The following MCTP2 variants were observed in gnomAD, a reference collection of about 807,000 sequenced individuals.
MCTP2 encodes multiple C2 and transmembrane domain containing 2.
In MCTP2, 132 loss-of-function variants were observed where a neutral mutation model predicts 111.6. The observed-to-expected ratio is 1.18, with a 90% CI of 1.03 to 1.37. The LOEUF (loss-of-function observed/expected upper bound fraction) is 1.37. MCTP2 is among the 40% of genes most tolerant of loss of function. MCTP2 has a pLI of 0.00. For synonymous variants in MCTP2, 395 were observed against 387.7 expected, an observed-to-expected ratio of 1.02 and a Z score of -0.22; for missense variants, 1,183 against 1,067.9, an observed-to-expected ratio of 1.11 and a Z score of -1.50.
At chr15:94,244,646 A>G (rs1181122412) in intron 1 of MCTP2, among the ~76,000 whole-genome samples, 1 of 146,126 alleles carries the variant, frequency 6.8e-6, no homozygotes, top group African/African-American at 2.6e-5. Flanking sequence ...ATGTTTATAA[A>G]CGTATATGTA....
rs1238505832 is a variant in MCTP2, at chr15:94,339,353, T to C, written c.701T>C (p.Ile234Thr). 2 of 1,612,156 alleles carry C rather than the reference T, an allele frequency of 1.2e-6. No individual in the cohort carries two copies. Among genetic ancestry groups the C allele is most frequent in the Admixed American group, 1.7e-5 (1 of 59,914 alleles). ...NGKTLYKSKV[I>T]YKNLNPVWDE... ...AAGACGCTGTACAAAAGTAAAGTCA[T>C]ATATAAGAACTTGAACCCAGTATGG... Residue 234 changes from isoleucine to threonine, a missense_variant, in exon 5 of 23, where the codon ATA (isoleucine) becomes ACA (threonine). Coordinates refer to ENST00000357742, the MANE Select transcript of MCTP2 (RefSeq NM_001385001.1).
At chr15:94,435,205 T>C (rs1263168949) in intron 17 of MCTP2, among the ~76,000 whole-genome samples, 1 of 152,184 alleles carries the variant, frequency 6.6e-6, no homozygotes, top group African/African-American at 2.4e-5. Flanking sequence ...TACCCATTTC[T>C]ATAAAATAAA....
intron 12 of MCTP2, among the ~76,000 whole-genome samples, chr15:94,382,722 C>A (rs1338776124): frequency 5.9e-5 from 9 of 152,266 alleles, no homozygotes; most frequent in African/African-American, 2.2e-4. Context: ...CTGGCTTAGG[C>A]CCTGGCCTGG....
At chr15:94,399,226 A>G (rs750475011) in intron 15 of MCTP2, among the ~76,000 whole-genome samples, 164 bp downstream of exon 15, 4 of 152,210 alleles carry the variant, frequency 2.6e-5, no homozygotes, top group Non-Finnish European at 5.9e-5. Context: ...GGTTACCCTC[A>G]TCTCCTGCTT....
chr15:94,379,831 CAT>C (rs560219828), intron 12 of MCTP2, among the ~76,000 whole-genome samples: 1,529 of 139,952 alleles, frequency 0.011, 25 homozygotes, highest in African/African-American at 0.039. Flanking sequence ...TTATATATGA[CAT>C]ATAATTATAT....
Position 94,303,834 on chromosome 15 carries a change from A to G in MCTP2, c.465+5104A>G, listed in dbSNP as rs563525669. Among the ~76,000 whole-genome samples, 4 of 152,294 alleles carry G rather than the reference A, an allele frequency of 2.6e-5. No homozygotes were observed. In the South Asian group the frequency reaches 8.3e-4, roughly 32 times the overall value. ...TGCTTTTTCCAACTCTGTGGTGAGT[A>G]TAATCAGCCTGCCTTCATTTTCATA... On this transcript the variant is annotated intron_variant, in intron 2 of 22. Coordinates refer to ENST00000357742, the MANE Select transcript of MCTP2 (RefSeq NM_001385001.1).
intron 1 of MCTP2, chr15:94,292,737 C>A (rs2075089688): frequency 6.6e-6 from 1 of 152,152 alleles, no homozygotes; most frequent in African/African-American, 2.4e-5. Context: ...GTTGCAGTAT[C>A]TTTTTAATCG....
At chr15:94,245,227 CATATGTAT>C (rs2071746464) in intron 1 of MCTP2, among the ~76,000 whole-genome samples, 1 of 137,272 alleles carries the variant, frequency 7.3e-6, no homozygotes, top group African/African-American at 2.7e-5. Flanking sequence ...TGTATATATA[CATATGTAT>C]GTATATATAC....
intron 12 of MCTP2, among the ~76,000 whole-genome samples, chr15:94,380,884 C>G (rs1184663603): frequency 1.3e-5 from 2 of 152,316 alleles, no homozygotes; most frequent in East Asian, 1.9e-4. Context: ...TGAACCCCCC[C>G]CTTACTTGCC....
chr15:94,323,125 G>A (rs1304708845), intron 4 of MCTP2, among the ~76,000 whole-genome samples: 1 of 152,220 alleles, frequency 6.6e-6, no homozygotes, highest in Non-Finnish European at 1.5e-5. Flanking sequence ...GGGATTTGGA[G>A]ATTTTTCTGG....
intron 4 of MCTP2, among the ~76,000 whole-genome samples, chr15:94,331,294 T>C (rs530142504): frequency 6.6e-6 from 1 of 152,358 alleles, no homozygotes; most frequent in African/African-American, 2.4e-5. Context: ...TTTTAAACAA[T>C]ATTTAATTTG....
intron 8 of MCTP2, among the ~76,000 whole-genome samples, chr15:94,355,191 C>G (rs992843843): frequency 6.6e-6 from 1 of 152,096 alleles, no homozygotes; most frequent in Non-Finnish European, 1.5e-5. Flanking sequence ...ATGGTTAACG[C>G]CATTGAGTGT....
intron 17 of MCTP2, among the ~76,000 whole-genome samples, chr15:94,436,469 A>G (rs573849918): frequency 1.3e-5 from 2 of 152,320 alleles, no homozygotes; most frequent in South Asian, 4.2e-4. Context: ...GCATTGATTT[A>G]AAAAATATAT....
chr15:94,478,175 G>T (rs533363517), intron 22 of MCTP2, among the ~76,000 whole-genome samples: 1 of 152,194 alleles, frequency 6.6e-6, no homozygotes, highest in Admixed American at 6.5e-5. Flanking sequence ...CACTTGGGTC[G>T]CAGTGTGAGT....
chr15:94,394,065 AAAAAAAAT>A (rs886393295), intron 14 of MCTP2, among the ~76,000 whole-genome samples: 1 of 151,542 alleles, frequency 6.6e-6, no homozygotes, highest in African/African-American at 2.4e-5. Context: ...AAAAAAAAAA[AAAAAAAAT>A]GTAAAAAACG....
Position 94,298,587 on chromosome 15 carries a change from G to C in MCTP2, c.322G>C (p.Glu108Gln). 6.2e-7 allele frequency: 1 copy of C among 1,614,122 alleles called. No homozygotes were observed. Among genetic ancestry groups the C allele is most frequent in the Non-Finnish European group, 8.5e-7 (1 of 1,180,018 alleles). The change falls in exon 2 of 23, where the codon GAA becomes CAA. Residue 108 changes from glutamate to glutamine, a missense_variant. Coordinates refer to ENST00000357742, the MANE Select transcript of MCTP2 (RefSeq NM_001385001.1). ...TGAAGAAGAATTGGATTGGAGCCAG[G>C]AAGAAGCCAGTCACCTCCATGTGGT... ...QSEEELDWSQ[E>Q]EASHLHVVET...
At chr15:94,447,244 T>G (rs2084170195) in intron 19 of MCTP2, among the ~76,000 whole-genome samples, 1 of 152,176 alleles carries the variant, frequency 6.6e-6, no homozygotes, top group Non-Finnish European at 1.5e-5. Flanking sequence ...TGTGCCTCAT[T>G]CCCTGTGTTT....
intron 1 of MCTP2, among the ~76,000 whole-genome samples, chr15:94,260,926 A>G (rs2073141593): frequency 6.6e-6 from 1 of 152,166 alleles, no homozygotes; most frequent in Non-Finnish European, 1.5e-5. Flanking sequence ...TAGGTCTGGT[A>G]AGAAACATTT....
rs761814748 is a variant in MCTP2 at position 94,399,082 on chromosome 15, A to G, written c.1890+20A>G. On this transcript the variant is annotated intron_variant, in intron 15 of 22. Coordinates refer to ENST00000357742, the MANE Select transcript of MCTP2 (RefSeq NM_001385001.1). ...AATCCGGTAAGTCTAGCTGGGTCATACTTCCCGGCTTTCCCGTACCTAAAA... is the reference window on the plus strand; with the variant it reads ...AATCCGGTAAGTCTAGCTGGGTCATGCTTCCCGGCTTTCCCGTACCTAAAA... 8.0e-7 allele frequency: 1 copy of G among 1,255,536 alleles called. No individual in the cohort carries two copies. Among genetic ancestry groups the G allele is most frequent in the South Asian group, 1.2e-5 (1 of 82,750 alleles). The allele number at this position is 1,255,536 out of a possible 1,614,324, so 77.8% of individuals were successfully genotyped here. A position where few individuals can be genotyped will look rare whatever the true frequency, so the allele number is the denominator to read the frequency against.
Sources: gnomAD v4.1 joint callset for allele counts (sites outside exome capture counted in the v4.1 genomes callset) on GRCh38, gnomAD v4.1.1 for gene constraint, MANE v1.5 for transcripts, NCBI Gene and HGNC (gene_info 2026-07-23, HGNC 2026-07-21) for gene names.